The following TSPEAR variants were observed in gnomAD, a reference collection of about 807,000 sequenced individuals.
The protein encoded by TSPEAR is thrombospondin-type laminin G domain and EAR repeat-containing protein.
In TSPEAR, 69 loss-of-function variants were observed where a neutral mutation model predicts 71.6. That is an observed-to-expected ratio of 0.96 (90% CI 0.79 to 1.18). The LOEUF is 1.18. Among genes scored for constraint, TSPEAR ranks in the 50% most tolerant of loss-of-function variants. TSPEAR has a pLI of 0.00. For synonymous variants in TSPEAR, 402 were observed against 387.2 expected (o/e 1.04, Z -0.45); for missense variants, 971 against 894.9 (o/e 1.09, Z -1.09).
intron 1 of TSPEAR, among the ~76,000 whole-genome samples, chr21:44,602,608 T>C (rs1252475608): frequency 2.6e-5 from 4 of 152,240 alleles, no homozygotes; most frequent in Non-Finnish European, 4.4e-5. Flanking sequence ...GTTTGTACCA[T>C]GTGGTTTAGG....
In TSPEAR at chr21:44,598,509, TATTGATTATAC is replaced by T. The variant is rs587653053; in HGVS notation, c.83-30515_83-30505del. On this transcript the variant is annotated intron_variant, in intron 1 of 11. Coordinates refer to ENST00000323084, the MANE Select transcript of TSPEAR (RefSeq NM_144991.3). ...CGACTCTGAGCCTTATTTCTAACAT[TATTGATTATAC>T]ATTGATTATACATAGTTTTTACTAT... Among the ~76,000 whole-genome samples, 843 of 152,358 alleles carry T rather than the reference TATTGATTATAC, an allele frequency of 5.5e-3. 3 individuals are homozygous for T. The highest frequency in any genetic ancestry group is 0.01 in the Middle Eastern group (3 of 294).
At chr21:44,501,539 G>A (rs183352698) in intron 11 of TSPEAR, among the ~76,000 whole-genome samples, 7 of 152,328 alleles carry the variant, frequency 4.6e-5, no homozygotes, top group Middle Eastern at 3.4e-3. Flanking sequence ...GGAGCTTGCA[G>A]TGTGCCGAGA....
intron 3 of TSPEAR, 58 bp downstream of exon 3, chr21:44,533,627 G>A: frequency 7.0e-6 from 10 of 1,420,382 alleles, no homozygotes; most frequent in Non-Finnish European, 9.7e-6. Context: ...GCTGAAGGAT[G>A]CCTGGCCTGG....
chr21:44,533,557 C>T, intron 3 of TSPEAR, 128 bp downstream of exon 3: 1 of 800,264 alleles, frequency 1.2e-6, no homozygotes, highest in African/African-American at 1.7e-5. Context: ...CCCCATGGCT[C>T]CTGACCCTGG....
At chr21:44,504,573 G>A (rs1374875151) in intron 11 of TSPEAR, among the ~76,000 whole-genome samples, 2 of 113,240 alleles carry the variant, frequency 1.8e-5, no homozygotes, top group Admixed American at 8.1e-5. Flanking sequence ...GGAGGAGGCC[G>A]GCCTCGGTGA....
intron 1 of TSPEAR, among the ~76,000 whole-genome samples, chr21:44,596,811 C>T (rs1031020363): frequency 4.6e-5 from 7 of 152,152 alleles, no homozygotes; most frequent in Non-Finnish European, 8.8e-5. Context: ...TCTCTGTATC[C>T]TTTGCTCACT....
chr21:44,619,417 CTG>C (rs1982309462), intron 1 of TSPEAR, among the ~76,000 whole-genome samples: 1 of 152,238 alleles, frequency 6.6e-6, no homozygotes, highest in South Asian at 2.1e-4. Context: ...GTAATTGTCA[CTG>C]TGCAGTTTTC....
intron 2 of TSPEAR, chr21:44,539,264 G>A (rs2053154715): frequency 1.3e-6 from 2 of 1,594,950 alleles, no homozygotes; most frequent in Non-Finnish European, 8.5e-7. Context: ...CAGGGCGGGT[G>A]CCCATCAGCA....
chr21:44,663,642 A>G (rs1004776982), intron 1 of TSPEAR, among the ~76,000 whole-genome samples: 14 of 152,098 alleles, frequency 9.2e-5, no homozygotes, highest in African/African-American at 3.4e-4. Context: ...GAACAAAAGT[A>G]TTATAGTACA....
At chr21:44,683,464 C>G (rs1126379) in intron 1 of TSPEAR, among the ~76,000 whole-genome samples, 110,009 of 151,976 alleles carry the variant, frequency 0.72, 40,150 homozygotes, top group Middle Eastern at 0.85. Context: ...CTAGGAGTTT[C>G]AGACCAGCCT....
intron 2 of TSPEAR, chr21:44,539,590 G>T (rs1477466265): frequency 1.9e-6 from 3 of 1,613,570 alleles, no homozygotes; most frequent in East Asian, 4.5e-5. Context: ...GCTTGCAACG[G>T]ACGGGCACGC....
chr21:44,540,709 T>C (rs1257421462), intron 2 of TSPEAR, among the ~76,000 whole-genome samples: 2 of 152,172 alleles, frequency 1.3e-5, no homozygotes, highest in Non-Finnish European at 2.9e-5. Flanking sequence ...GCCCTGCACA[T>C]TCCTTCCCCC....
At chr21:44,682,438 G>A (rs1569257074) in intron 1 of TSPEAR, among the ~76,000 whole-genome samples, 1 of 152,170 alleles carries the variant, frequency 6.6e-6, no homozygotes, top group Non-Finnish European at 1.5e-5. Flanking sequence ...GCCTCCCTTC[G>A]TTAGTTCTAC....
intron 1 of TSPEAR, chr21:44,601,843 C>T (rs924691383): frequency 1.9e-5 from 27 of 1,431,596 alleles, no homozygotes; most frequent in African/African-American, 4.3e-5. Flanking sequence ...CTGCAGTGGA[C>T]GTCAGTGGTC....
At chr21:44,685,253 C>T (rs1411120251) in intron 1 of TSPEAR, among the ~76,000 whole-genome samples, 2 of 152,296 alleles carry the variant, frequency 1.3e-5, no homozygotes, top group Admixed American at 6.5e-5. Context: ...GTAGCTCTGC[C>T]GTGAGAGATG....
chr21:44,571,826 T>G lies in TSPEAR; in HGVS notation c.83-3821A>C, dbSNP rs9984319. 4.7e-3 allele frequency among the ~76,000 whole-genome samples: 714 copies of G among 152,162 alleles called. 4 individuals carry two copies. The highest frequency in any genetic ancestry group is 0.016 in the African/African-American group (672 of 41,520). ...ATAGATAAATAAATAAGGAAGCAAA[T>G]AGACACACAGAAGAGCGGGACAGCT... On this transcript the variant is annotated intron_variant, in intron 1 of 11. Coordinates refer to ENST00000323084, the MANE Select transcript of TSPEAR (RefSeq NM_144991.3).
rs1036557348 is a variant in TSPEAR at position 44,593,743 on chromosome 21, G to A, written c.83-25738C>T. Among the ~76,000 whole-genome samples the A allele has an allele frequency of 3.3e-5, 5 of 152,312 alleles. No homozygotes were observed. In the East Asian group the frequency reaches 5.8e-4, roughly 18 times the overall value. ...CCGCGCCAGGCAAGGGACAAGCCGC[G>A]TGCCCTACACTGAGAGGACGGACTC... On this transcript the variant is annotated intron_variant, in intron 1 of 11. Transcript: ENST00000323084. The surrounding 1 kb of genome is among the most constrained non-coding windows in gnomAD (Gnocchi z 5.9).
At position 44,575,876 on chromosome 21, in the gene TSPEAR, C is replaced by T. The variant is rs75164226; in HGVS notation, c.83-7871G>A. On this transcript the variant is annotated intron_variant, in intron 1 of 11. Coordinates refer to ENST00000323084, the MANE Select transcript of TSPEAR (RefSeq NM_144991.3). ...GAGCAGAATCATCTCCTCGACCCTC[C>T]GGCCTCTCTAAGGTCAGGGAAGTAG... 2.3e-4 allele frequency among the ~76,000 whole-genome samples: 35 copies of T among 152,148 alleles called. No homozygotes were observed. The East Asian group carries it at 6.0e-3, about 26-fold the overall frequency.
chr21:44,629,980 G>A (rs1170587608), intron 1 of TSPEAR, among the ~76,000 whole-genome samples: 7 of 152,294 alleles, frequency 4.6e-5, no homozygotes, highest in Middle Eastern at 3.4e-3. Context: ...GGGCTGTCGC[G>A]GGGGTCAGGA....
Sources: allele counts gnomAD v4.1 joint callset (sites outside exome capture counted in the v4.1 genomes callset), GRCh38; gene constraint gnomAD v4.1.1; non-coding constraint Gnocchi (gnomAD v3.1); transcripts MANE v1.5; gene names NCBI Gene and HGNC (gene_info 2026-07-23, HGNC 2026-07-21).